Variants in TNFSF4 observed in about 807,000 individuals in gnomAD.
TNFSF4 encodes the protein tumor necrosis factor ligand superfamily member 4.
Under a neutral mutation model 7.3 loss-of-function variants are expected in TNFSF4, and 4 were observed. That is an observed-to-expected ratio of 0.55 (90% CI 0.27 to 1.25). TNFSF4 has a LOEUF of 1.25. Ranked by LOEUF, TNFSF4 falls within the 50% of genes most tolerant of loss-of-function variation. TNFSF4 has a pLI of 0.12. For synonymous variants in TNFSF4, 76 were observed against 83.7 expected (o/e 0.91, Z 0.50); for missense variants, 181 against 208.8 (o/e 0.87, Z 0.82).
chr1:173,388,476 C>G, the TNFSF4 span, among the ~76,000 whole-genome samples: 1 of 152,204 alleles, frequency 6.6e-6, no homozygotes, highest in Non-Finnish European at 1.5e-5. Flanking sequence ...TCCATGGGTC[C>G]ACAAGGTGAA....
downstream of TNFSF4, among the ~76,000 whole-genome samples, chr1:173,178,944 G>A (rs528394609): frequency 3.9e-5 from 6 of 152,278 alleles, 1 homozygote; most frequent in South Asian, 8.3e-4. Flanking sequence ...GAAGCAATGG[G>A]AGAAAATGTG....
the TNFSF4 span, among the ~76,000 whole-genome samples, chr1:173,436,490 A>G: frequency 6.6e-6 from 1 of 151,942 alleles, no homozygotes; most frequent in Non-Finnish European, 1.5e-5. Context: ...GCTCACTGCA[A>G]CCTCTCCCTC....
At chr1:173,308,285 C>CTCTCTCTCTCTCTGTGTGTG in the TNFSF4 span, among the ~76,000 whole-genome samples, 12 of 135,122 alleles carry the variant, frequency 8.9e-5, no homozygotes, top group African/African-American at 3.5e-4. Flanking sequence ...CTCTCTCTCT[C>CTCTCTCTCTCTCTGTGTGTG]TGTGTGTGTG....
the TNFSF4 span, among the ~76,000 whole-genome samples, chr1:173,436,152 ACT>A: frequency 6.6e-6 from 1 of 152,228 alleles, no homozygotes; most frequent in Non-Finnish European, 1.5e-5. Context: ...AGAAGCAGAC[ACT>A]GAGACAAGGA....
the TNFSF4 span, among the ~76,000 whole-genome samples, chr1:173,254,612 T>C: frequency 6.6e-6 from 1 of 152,232 alleles, no homozygotes; most frequent in Non-Finnish European, 1.5e-5. Flanking sequence ...AAAAATGACC[T>C]TCTATAATTT....
the TNFSF4 span, among the ~76,000 whole-genome samples, chr1:173,385,131 T>A: frequency 1.3e-5 from 2 of 152,220 alleles, no homozygotes; most frequent in African/African-American, 4.8e-5. Context: ...AAATAGGAAG[T>A]AAGACAATGA....
At chr1:173,196,023 C>T (rs1439314330) in intron 1 of TNFSF4, among the ~76,000 whole-genome samples, 3 of 152,150 alleles carry the variant, frequency 2.0e-5, no homozygotes, top group Non-Finnish European at 2.9e-5. Context: ...GGGTGTGTCT[C>T]AAGGGGCCTC....
chr1:173,276,784 G>A, the TNFSF4 span, among the ~76,000 whole-genome samples: 1 of 152,160 alleles, frequency 6.6e-6, no homozygotes, highest in Non-Finnish European at 1.5e-5. Context: ...AGGATGATGG[G>A]GAGAACTTGC....
chr1:173,172,949 G>A, the TNFSF4 span, among the ~76,000 whole-genome samples: 2 of 152,070 alleles, frequency 1.3e-5, no homozygotes, highest in African/African-American at 2.4e-5. Context: ...CAATCATGAC[G>A]GCAGGGGAAG....
chr1:173,342,100 G>C, the TNFSF4 span, among the ~76,000 whole-genome samples: 5 of 152,242 alleles, frequency 3.3e-5, no homozygotes, highest in East Asian at 1.9e-4. Context: ...CTACTGCAAG[G>C]GGGGAGGGGA....
the TNFSF4 span, among the ~76,000 whole-genome samples, chr1:173,300,162 T>C: frequency 7.8e-6 from 1 of 127,858 alleles, no homozygotes; most frequent in Non-Finnish European, 1.5e-5. Context: ...GATTGATAGA[T>C]ACATACATAC....
the TNFSF4 span, among the ~76,000 whole-genome samples, chr1:173,417,240 T>C: frequency 6.6e-6 from 1 of 152,118 alleles, no homozygotes; most frequent in African/African-American, 2.4e-5. Context: ...GCTTTGCGGG[T>C]GCAGCAATAA....
the TNFSF4 span, among the ~76,000 whole-genome samples, chr1:173,412,833 T>C: frequency 6.6e-6 from 1 of 152,232 alleles, no homozygotes; most frequent in Non-Finnish European, 1.5e-5. Context: ...CAGTAATGAT[T>C]CCACAGATGT....
chr1:173,372,637 T>C, the TNFSF4 span, among the ~76,000 whole-genome samples: 1 of 152,144 alleles, frequency 6.6e-6, no homozygotes, highest in African/African-American at 2.4e-5. Context: ...GGAAAGAATC[T>C]CACTGTCTGG....
At chr1:173,383,169 G>GT in the TNFSF4 span, among the ~76,000 whole-genome samples, 1 of 152,142 alleles carries the variant, frequency 6.6e-6, no homozygotes, top group African/African-American at 2.4e-5. Flanking sequence ...AGCCAAGGAT[G>GT]TAACTAAACA....
the TNFSF4 span, among the ~76,000 whole-genome samples, chr1:173,381,521 G>A: frequency 6.6e-6 from 1 of 152,168 alleles, no homozygotes; most frequent in Admixed American, 6.5e-5. Flanking sequence ...CCAGGATCAA[G>A]GCCACCAAGC....
the TNFSF4 span, among the ~76,000 whole-genome samples, chr1:173,444,492 T>A: frequency 1.1e-4 from 16 of 152,018 alleles, no homozygotes; most frequent in East Asian, 1.2e-3. Flanking sequence ...CTTTGGATAG[T>A]CAGGTTTTGG....
At chr1:173,236,335 T>C in the TNFSF4 span, among the ~76,000 whole-genome samples, 1 of 151,996 alleles carries the variant, frequency 6.6e-6, no homozygotes, top group Non-Finnish European at 1.5e-5. Context: ...CTTGGTTCCA[T>C]TATATTTGTA....
the TNFSF4 span, among the ~76,000 whole-genome samples, chr1:173,334,808 A>G: frequency 6.6e-6 from 1 of 152,128 alleles, no homozygotes; most frequent in Non-Finnish European, 1.5e-5. Flanking sequence ...CTTTCAAGAA[A>G]TGCTGGCTCC....
Sources: gnomAD v4.1 joint callset for allele counts (sites outside exome capture counted in the v4.1 genomes callset) on GRCh38, gnomAD v4.1.1 for gene constraint, MANE v1.5 for transcripts, NCBI Gene and HGNC (gene_info 2026-07-23, HGNC 2026-07-21) for gene names.